The following PDE3A variants were observed in gnomAD, a reference collection of about 807,000 sequenced individuals.
The protein encoded by PDE3A is cGMP-inhibited 3',5'-cyclic phosphodiesterase 3A.
Under a neutral mutation model 98.3 loss-of-function variants are expected in PDE3A, and 43 were observed. The ratio of observed to expected loss-of-function variants is 0.44; its 90% CI spans 0.34 to 0.56. The LOEUF is 0.56. PDE3A is among the 20% of genes least tolerant of loss of function. The pLI is 0.01. For synonymous variants in PDE3A, 663 were observed against 567.9 expected (o/e 1.17, Z -2.38); for missense variants, 1,427 against 1,440.7 (o/e 0.99, Z 0.15).
intron 1 of PDE3A, among the ~76,000 whole-genome samples, chr12:20,514,945 C>G (rs1230708446): frequency 6.6e-6 from 1 of 152,152 alleles, no homozygotes; most frequent in African/African-American, 2.4e-5. Flanking sequence ...ATTTCAAGAA[C>G]AGTTCTAAAA....
chr12:20,382,110 T>C (rs1943673671), intron 1 of PDE3A, among the ~76,000 whole-genome samples: 1 of 151,814 alleles, frequency 6.6e-6, no homozygotes, highest in South Asian at 2.1e-4. Context: ...TAAAAATTAT[T>C]TGGGAAAACT....
chr12:20,469,963 G>A (rs1253229549), intron 1 of PDE3A, among the ~76,000 whole-genome samples: 2 of 152,104 alleles, frequency 1.3e-5, no homozygotes, highest in Admixed American at 1.3e-4. Flanking sequence ...AACTCTAAAT[G>A]ACATTCTCTG....
At position 20,616,399 on chromosome 12, in the gene PDE3A, C is replaced by T. The variant is rs779741817; in HGVS notation, c.1424+15C>T. 2 of 1,611,548 alleles carry T rather than the reference C, an allele frequency of 1.2e-6. No individual in the cohort carries two copies. The highest frequency in any genetic ancestry group is 1.7e-4 in the Middle Eastern group (1 of 5,956). On this transcript the variant is annotated intron_variant, in intron 4 of 15. Coordinates refer to ENST00000359062, the MANE Select transcript of PDE3A (RefSeq NM_000921.5). ...CCTTCATCCAGGTGGCATACGGCTC[C>T]TGCTGGTTTAATGTCTCTTAGAGAA...
chr12:20,480,453 C>A (rs1247406874), intron 1 of PDE3A, among the ~76,000 whole-genome samples: 1 of 152,020 alleles, frequency 6.6e-6, no homozygotes, highest in Non-Finnish European at 1.5e-5. Context: ...ACTGTGTGTC[C>A]AAAGCATTGT....
chr12:20,554,372 A>T (rs12308799), intron 1 of PDE3A, among the ~76,000 whole-genome samples: 4,378 of 10,730 alleles, frequency 0.41, 210 homozygotes, highest in Middle Eastern at 0.5. Flanking sequence ...AAAAAAAAAA[A>T]TAAAAAAAAT....
intron 1 of PDE3A, among the ~76,000 whole-genome samples, chr12:20,512,878 A>G (rs1946253066): frequency 6.6e-6 from 1 of 152,148 alleles, no homozygotes; most frequent in Non-Finnish European, 1.5e-5. Context: ...TATTGTGGTA[A>G]CACCTATCAT....
intron 2 of PDE3A, among the ~76,000 whole-genome samples, chr12:20,607,294 A>T (rs1267671261): frequency 6.6e-6 from 1 of 151,970 alleles, no homozygotes; most frequent in Non-Finnish European, 1.5e-5. Flanking sequence ...CAAAAAAATT[A>T]GGCATGGTGG....
At chr12:20,594,858 TATA>T (rs888816434) in intron 2 of PDE3A, among the ~76,000 whole-genome samples, 6 of 152,222 alleles carry the variant, frequency 3.9e-5, no homozygotes, top group African/African-American at 1.4e-4. Flanking sequence ...GCATTCTGAA[TATA>T]ATAAGATTAT....
chr12:20,510,414 G>T (rs1022291892), intron 1 of PDE3A, among the ~76,000 whole-genome samples: 1 of 152,042 alleles, frequency 6.6e-6, no homozygotes, highest in Non-Finnish European at 1.5e-5. Flanking sequence ...AGATAGTACA[G>T]TAGAGAAATG....
intron 15 of PDE3A, among the ~76,000 whole-genome samples, chr12:20,660,793 C>T (rs1284297810): frequency 2.0e-5 from 3 of 152,132 alleles, no homozygotes; most frequent in African/African-American, 4.8e-5. Context: ...CTCAATTAAA[C>T]CTCTTTCCTT....
At chr12:20,428,007 T>A (rs1944629623) in intron 1 of PDE3A, among the ~76,000 whole-genome samples, 2 of 150,802 alleles carry the variant, frequency 1.3e-5, no homozygotes, top group African/African-American at 5.0e-5. Context: ...AGGTCAGGAG[T>A]AATCCCACAT....
rs768634215 is a variant in PDE3A at position 20,637,081 on chromosome 12, T to C, written c.2002-19T>C. 1.3e-6 allele frequency: 2 copies of C among 1,547,010 alleles called. No individual in the cohort carries two copies. The highest frequency in any genetic ancestry group is 1.2e-5 in the South Asian group (1 of 80,010). On this transcript the variant is annotated intron_variant, in intron 8 of 15. Transcript: ENST00000359062. ...AAAAACTGCATGCTGTTTAAGTATTTTAATGTTAAACATTACAGGACAAAC... is the reference window on the plus strand; with the variant it reads ...AAAAACTGCATGCTGTTTAAGTATTCTAATGTTAAACATTACAGGACAAAC...
At chr12:20,659,333 G>T (rs1038609818) in intron 15 of PDE3A, among the ~76,000 whole-genome samples, 1 of 151,998 alleles carries the variant, frequency 6.6e-6, no homozygotes, top group African/African-American at 2.4e-5. Context: ...AGAAATTTCT[G>T]CAGTATATCA....
At chr12:20,484,697 T>TA (rs1945694652) in intron 1 of PDE3A, among the ~76,000 whole-genome samples, 1 of 151,142 alleles carries the variant, frequency 6.6e-6, no homozygotes, top group South Asian at 2.1e-4. Context: ...ATACGTAGGA[T>TA]AAAACATACA....
At chr12:20,656,979 A>G (rs1945057613) in intron 15 of PDE3A, among the ~76,000 whole-genome samples, 1 of 152,354 alleles carries the variant, frequency 6.6e-6, no homozygotes, top group East Asian at 1.9e-4. Flanking sequence ...TCACTAAAGC[A>G]GGAATGAGAG....
At chr12:20,658,700 C>T (rs1252404420) in intron 15 of PDE3A, among the ~76,000 whole-genome samples, 2 of 152,318 alleles carry the variant, frequency 1.3e-5, no homozygotes, top group Admixed American at 6.5e-5. Flanking sequence ...ATAGGCCTGC[C>T]TGCTGGCCTA....
intron 1 of PDE3A, among the ~76,000 whole-genome samples, chr12:20,461,725 G>A (rs4762758): frequency 0.51 from 78,126 of 151,952 alleles, 20,629 homozygotes; most frequent in East Asian, 0.68. Context: ...CTTAAAAGCC[G>A]TGATTCCTAT....
At chr12:20,385,683 G>A (rs935915523) in intron 1 of PDE3A, among the ~76,000 whole-genome samples, 8 of 150,778 alleles carry the variant, frequency 5.3e-5, no homozygotes, top group Non-Finnish European at 1.2e-4. Flanking sequence ...GCAAACTATC[G>A]CAAGGACAAA....
intron 1 of PDE3A, among the ~76,000 whole-genome samples, chr12:20,555,174 C>G (rs1378389274): frequency 6.6e-6 from 1 of 152,104 alleles, no homozygotes; most frequent in Admixed American, 6.5e-5. Flanking sequence ...CAGGTGCACA[C>G]TACCACGCCT....
Sources: gnomAD v4.1 joint callset for allele counts (sites outside exome capture counted in the v4.1 genomes callset) on GRCh38, gnomAD v4.1.1 for gene constraint, MANE v1.5 for transcripts, NCBI Gene and HGNC (gene_info 2026-07-23, HGNC 2026-07-21) for gene names.